The following PRMT8 variants were observed in gnomAD, a reference collection of about 807,000 sequenced individuals.
PRMT8 encodes the protein protein arginine methyltransferase 8.
A neutral mutation model predicts 47.1 loss-of-function variants in PRMT8; 7 were observed. The observed-to-expected ratio is 0.15, with a 90% CI of 0.08 to 0.28. The LOEUF (loss-of-function observed/expected upper bound fraction) is 0.28. Among genes scored for constraint, PRMT8 ranks in the 10% least tolerant of loss-of-function variants. The pLI is 1.00. For synonymous variants in PRMT8, 188 were observed against 186.5 expected (o/e 1.01, Z -0.07); for missense variants, 237 against 505.4 (o/e 0.47, Z 5.09).
At position 3,569,174 on chromosome 12, in the gene PRMT8, T is replaced by C. The variant is rs1866797378; in HGVS notation, c.625-303T>C. ...CTTGCATGGCTGCCAGAGCCAGGTG[T>C]GCTATTCATCTGGGCTTCTCCAGGC... On this transcript the variant is annotated intron_variant, in intron 5 of 9. Transcript: ENST00000382622. The surrounding 1 kb of genome is among the most constrained non-coding windows in gnomAD (Gnocchi z 8.2). Among the ~76,000 whole-genome samples, 1 of 152,208 alleles carries C rather than the reference T, an allele frequency of 6.6e-6. No individual in the cohort carries two copies. The highest frequency in any genetic ancestry group is 1.5e-5 in the Non-Finnish European group (1 of 68,034).
At position 3,566,378 on chromosome 12, in the gene PRMT8, A is replaced by G. The variant is rs1288741874; in HGVS notation, c.482-2328A>G. Among the ~76,000 whole-genome samples, 1 of 152,040 alleles carries G rather than the reference A, an allele frequency of 6.6e-6. No homozygotes were observed. Among genetic ancestry groups the G allele is most frequent in the East Asian group, 1.9e-4 (1 of 5,180 alleles). On this transcript the variant is annotated intron_variant, in intron 4 of 9. Transcript: ENST00000382622. This position sits in a 1 kb window ranked among gnomAD's most constrained non-coding sequence, Gnocchi z 4.7. ...ACACCTACCCCTCCCACTCCCACCA[A>G]AACTTTTGGAGAATAGCTCTTCCTG...
chr12:3,428,294 G>A lies in PRMT8; in HGVS notation c.48+46852G>A, dbSNP rs143772827. 4.2e-3 allele frequency among the ~76,000 whole-genome samples: 633 copies of A among 150,598 alleles called. 9 individuals are homozygous for A. Among genetic ancestry groups the A allele is most frequent in the African/African-American group, 0.015 (597 of 40,936 alleles). ...TAGCCCTATACTTGAAGATTTTTAAGTTAGTAAGCTACCTTTTGTCCCCGC... is the reference window on the plus strand; with the variant it reads ...TAGCCCTATACTTGAAGATTTTTAAATTAGTAAGCTACCTTTTGTCCCCGC... On this transcript the variant is annotated intron_variant, in intron 1 of 9. Coordinates refer to the PRMT8 transcript ENST00000452611.
intron 1 of PRMT8, among the ~76,000 whole-genome samples, chr12:3,389,837 G>A (rs1338433511): frequency 6.6e-6 from 1 of 152,236 alleles, no homozygotes. Context: ...GGGCAAGTAT[G>A]GGAAGCAAGG....
At chr12:3,558,460 A>ACCTG (rs1866566137) in intron 4 of PRMT8, among the ~76,000 whole-genome samples, 1 of 152,200 alleles carries the variant, frequency 6.6e-6, no homozygotes, top group Non-Finnish European at 1.5e-5. Flanking sequence ...AGGAAATTAA[A>ACCTG]ACGTCATCAT....
chr12:3,515,698 T>C (rs7972007), intron 1 of PRMT8, among the ~76,000 whole-genome samples: 15,791 of 152,222 alleles, frequency 0.1, 1,039 homozygotes, highest in African/African-American at 0.18. Context: ...ATTGCTTTCC[T>C]GCAGGGGTAT....
chr12:3,412,283 A>G (rs1864438950), intron 1 of PRMT8, among the ~76,000 whole-genome samples: 1 of 152,250 alleles, frequency 6.6e-6, no homozygotes, highest in East Asian at 1.9e-4. Context: ...GTACACCTGT[A>G]CAGGGCACTT....
At chr12:3,428,735 T>G (rs1864635842) in intron 1 of PRMT8, among the ~76,000 whole-genome samples, 1 of 152,142 alleles carries the variant, frequency 6.6e-6, no homozygotes, top group Non-Finnish European at 1.5e-5. Context: ...ACTTTCCTTT[T>G]GCCTCTGTCT....
chr12:3,389,363 A>C (rs1490090064), intron 1 of PRMT8, among the ~76,000 whole-genome samples: 1 of 152,124 alleles, frequency 6.6e-6, no homozygotes, highest in Non-Finnish European at 1.5e-5. Flanking sequence ...CCCTAAGGTT[A>C]CATTCTCGTC....
At chr12:3,467,267 A>G (rs978780443) in intron 1 of PRMT8, among the ~76,000 whole-genome samples, 20 of 150,610 alleles carry the variant, frequency 1.3e-4, no homozygotes, top group African/African-American at 4.9e-4. Context: ...AAAAAAAAGA[A>G]ATGTGGCAGA....
At chr12:3,554,861 T>G (rs577124238) in intron 4 of PRMT8, among the ~76,000 whole-genome samples, 1 of 152,194 alleles carries the variant, frequency 6.6e-6, no homozygotes, top group Non-Finnish European at 1.5e-5. Flanking sequence ...TGCTCCCTGC[T>G]GACCTGCCAG....
chr12:3,399,984 A>G (rs890222608), intron 1 of PRMT8, among the ~76,000 whole-genome samples: 1 of 152,236 alleles, frequency 6.6e-6, no homozygotes, highest in East Asian at 1.9e-4. Flanking sequence ...GGCTTTAAAA[A>G]TGCTCATAAC....
upstream of PRMT8, among the ~76,000 whole-genome samples, chr12:3,486,411 G>C (rs1167559111): frequency 6.6e-6 from 1 of 152,148 alleles, no homozygotes; most frequent in Non-Finnish European, 1.5e-5. Flanking sequence ...AGGGTCACCA[G>C]TGCAGAGATA....
At chr12:3,448,238 C>G (rs1003233886) in intron 1 of PRMT8, among the ~76,000 whole-genome samples, 1 of 152,146 alleles carries the variant, frequency 6.6e-6, no homozygotes, top group Non-Finnish European at 1.5e-5. Flanking sequence ...CTCCCAGCCT[C>G]AAGTGATCCT....
chr12:3,420,255 C>T (rs997671438), intron 1 of PRMT8, among the ~76,000 whole-genome samples: 5 of 152,092 alleles, frequency 3.3e-5, no homozygotes, highest in Non-Finnish European at 5.9e-5. Flanking sequence ...CAAAGCACAG[C>T]GACCCATAAC....
intron 1 of PRMT8, among the ~76,000 whole-genome samples, chr12:3,407,828 C>T (rs1864388327): frequency 6.6e-6 from 1 of 151,800 alleles, no homozygotes; most frequent in South Asian, 2.1e-4. Flanking sequence ...CTTTTTTTCC[C>T]TCTGACTGGG....
At chr12:3,420,502 G>C (rs573821899) in intron 1 of PRMT8, among the ~76,000 whole-genome samples, 1 of 152,176 alleles carries the variant, frequency 6.6e-6, no homozygotes, top group African/African-American at 2.4e-5. Context: ...AGCTGAAAAA[G>C]CCAGACGCTG....
intron 4 of PRMT8, among the ~76,000 whole-genome samples, chr12:3,556,271 G>A (rs974863049): frequency 6.6e-6 from 1 of 152,100 alleles, no homozygotes; most frequent in Non-Finnish European, 1.5e-5. Context: ...ATGGTGTGTA[G>A]CTAGAAGAAA....
At chr12:3,584,591 A>G (rs1373360912) in intron 8 of PRMT8, among the ~76,000 whole-genome samples, 2 of 152,212 alleles carry the variant, frequency 1.3e-5, no homozygotes, top group Non-Finnish European at 2.9e-5. Context: ...ACAAAAGAGT[A>G]TAAAAAGTCA....
At chr12:3,584,141 G>C (rs1867123626) in intron 8 of PRMT8, among the ~76,000 whole-genome samples, 1 of 152,222 alleles carries the variant, frequency 6.6e-6, no homozygotes, top group Non-Finnish European at 1.5e-5. Flanking sequence ...GGTGTCAGCA[G>C]GGTGGATTTC....
Sources: gnomAD v4.1 joint callset for allele counts (sites outside exome capture counted in the v4.1 genomes callset) on GRCh38, gnomAD v4.1.1 for gene constraint, Gnocchi (gnomAD v3.1) non-coding constraint, MANE v1.5 for transcripts, NCBI Gene and HGNC (gene_info 2026-07-23, HGNC 2026-07-21) for gene names.